The following DNAJC5 variants were observed in gnomAD, a reference collection of about 807,000 sequenced individuals.
DNAJC5 encodes dnaJ homolog subfamily C member 5.
Under a neutral mutation model 23.2 loss-of-function variants are expected in DNAJC5, and 1 was observed. The ratio of observed to expected loss-of-function variants is 0.04; its 90% CI spans 0.02 to 0.20. The LOEUF (loss-of-function observed/expected upper bound fraction) is 0.20, where lower values mean the gene tolerates loss of function less well. DNAJC5 is among the 10% of genes least tolerant of loss of function. DNAJC5 has a pLI of 1.00. For synonymous variants in DNAJC5, 136 were observed against 120.0 expected, an observed-to-expected ratio of 1.13 and a Z score of -0.87; for missense variants, 180 against 267.0, an observed-to-expected ratio of 0.67 and a Z score of 2.27.
intron 1 of DNAJC5, among the ~76,000 whole-genome samples, chr20:63,924,345 G>C (rs1457932041): frequency 1.3e-5 from 2 of 152,136 alleles, no homozygotes; most frequent in Non-Finnish European, 2.9e-5. Flanking sequence ...TAGTATCTTA[G>C]CAATTTGTGG....
intron 1 of DNAJC5, among the ~76,000 whole-genome samples, chr20:63,898,842 C>CAACA (rs922171691): frequency 1.3e-5 from 2 of 152,060 alleles, no homozygotes; most frequent in Non-Finnish European, 2.9e-5. Flanking sequence ...CTCCCTCTCA[C>CAACA]AACAAACAAA....
intron 1 of DNAJC5, among the ~76,000 whole-genome samples, chr20:63,910,325 A>G (rs1043023629): frequency 3.9e-5 from 6 of 152,034 alleles, no homozygotes. Context: ...TGGGCAGATC[A>G]CAAGGTCAGG....
chr20:63,924,088 T>C (rs1372366751), intron 1 of DNAJC5, among the ~76,000 whole-genome samples: 1 of 152,208 alleles, frequency 6.6e-6, no homozygotes, highest in African/African-American at 2.4e-5. Context: ...TGTAGATATA[T>C]AGTATATGTC....
intron 1 of DNAJC5, among the ~76,000 whole-genome samples, chr20:63,922,998 A>G (rs1367744217): frequency 6.6e-6 from 1 of 151,138 alleles, no homozygotes; most frequent in Non-Finnish European, 1.5e-5. Flanking sequence ...AAAATTAGCC[A>G]GGCGTGGTGG....
Position 63,914,625 on chromosome 20 carries a change from T to C in DNAJC5, c.-11-13710T>C, listed in dbSNP as rs535895746. Among the ~76,000 whole-genome samples, 70 of 136,088 alleles carry C rather than the reference T, an allele frequency of 5.1e-4. No homozygotes were observed. The Middle Eastern group carries it at 0.029, about 57-fold the overall frequency. The allele number at this position is 136,088 out of a possible 152,430, so 89.3% of individuals were successfully genotyped here. Reference sequence around the variant, plus strand: ...AACCACCGTGCCCGGCCTTTTTTTTTTTTTTTGGTAGATGGAGTCTCGCTC... The same window carrying C: ...AACCACCGTGCCCGGCCTTTTTTTTCTTTTTTGGTAGATGGAGTCTCGCTC... On this transcript the variant is annotated intron_variant, in intron 1 of 4. Transcript: ENST00000360864.
intron 1 of DNAJC5, among the ~76,000 whole-genome samples, chr20:63,911,679 CTT>C (rs895377433): frequency 6.9e-6 from 1 of 145,024 alleles, no homozygotes; most frequent in Non-Finnish European, 1.5e-5. Context: ...TTTAGGAATT[CTT>C]TTTTTTTTTT....
intron 1 of DNAJC5, among the ~76,000 whole-genome samples, chr20:63,898,040 C>T (rs539013105): frequency 2.0e-5 from 3 of 152,322 alleles, no homozygotes; most frequent in Admixed American, 1.3e-4. Context: ...CAGCTGCCTC[C>T]GTGACCAGCA....
chr20:63,930,874 C>T lies in DNAJC5; in HGVS notation c.345C>T (p.Leu115=). 1 of 1,613,520 alleles carries T rather than the reference C, an allele frequency of 6.2e-7. No individual in the cohort carries two copies. Among genetic ancestry groups the T allele is most frequent in the Non-Finnish European group, 8.5e-7 (1 of 1,179,976 alleles). Residue 115 remains leucine, a synonymous_variant, in exon 4 of 5, where the codon CTC becomes CTT. Transcript: ENST00000360864. The part of the protein sequence containing the change: ...WAKALFVFCG[L]LTCCYCCCCL... Reference sequence around the variant, plus strand: ...AGGCCCTGTTTGTCTTCTGCGGCCTCCTCACGTGCTGCTACTGCTGCTGCT... The same window carrying T: ...AGGCCCTGTTTGTCTTCTGCGGCCTTCTCACGTGCTGCTACTGCTGCTGCT...
chr20:63,918,241 G>C (rs1181377746), intron 1 of DNAJC5, among the ~76,000 whole-genome samples: 1 of 152,176 alleles, frequency 6.6e-6, no homozygotes, highest in Non-Finnish European at 1.5e-5. Context: ...ATCAAGCCAG[G>C]CACGATGCTG....
intron 1 of DNAJC5, among the ~76,000 whole-genome samples, chr20:63,898,796 G>A (rs1035493189): frequency 1.3e-5 from 2 of 152,150 alleles, no homozygotes; most frequent in Admixed American, 6.5e-5. Flanking sequence ...AGCTGAGATA[G>A]CACCACTGCA....
chr20:63,915,103 G>A (rs992988674), intron 1 of DNAJC5, among the ~76,000 whole-genome samples: 1 of 152,160 alleles, frequency 6.6e-6, no homozygotes, highest in Non-Finnish European at 1.5e-5. Flanking sequence ...ATGCTCCTGG[G>A]ACCTGGGGCA....
intron 1 of DNAJC5, among the ~76,000 whole-genome samples, chr20:63,906,657 C>A (rs983772020): frequency 6.6e-6 from 1 of 151,382 alleles, no homozygotes; most frequent in Admixed American, 6.6e-5. Flanking sequence ...TGGTGGGCGC[C>A]TGTATATAGT....
intron 1 of DNAJC5, among the ~76,000 whole-genome samples, chr20:63,903,388 A>C (rs1337889305): frequency 1.3e-5 from 2 of 151,840 alleles, no homozygotes; most frequent in Non-Finnish European, 2.9e-5. Flanking sequence ...GCACACTGCA[A>C]CCTCCGCCTC....
chr20:63,914,912 G>A (rs528680611), intron 1 of DNAJC5, among the ~76,000 whole-genome samples: 3 of 152,304 alleles, frequency 2.0e-5, no homozygotes, highest in Non-Finnish European at 2.9e-5. Context: ...CACCACGCCC[G>A]GCCAGAGTGT....
intron 1 of DNAJC5, among the ~76,000 whole-genome samples, chr20:63,905,967 C>T (rs566335526): frequency 6.6e-6 from 1 of 151,200 alleles, no homozygotes; most frequent in South Asian, 2.1e-4. Context: ...ACTCACTGAC[C>T]TCAGGTGATC....
intron 1 of DNAJC5, among the ~76,000 whole-genome samples, chr20:63,922,321 G>T (rs1335676796): frequency 6.6e-6 from 1 of 151,932 alleles, no homozygotes; most frequent in East Asian, 1.9e-4. Context: ...AAATTAGCTG[G>T]GTGTGGTGGC....
At chr20:63,909,557 C>T (rs552610481) in intron 1 of DNAJC5, among the ~76,000 whole-genome samples, 6 of 146,002 alleles carry the variant, frequency 4.1e-5, no homozygotes, top group African/African-American at 1.0e-4. Context: ...TGATGCGTGC[C>T]GTAGTCCCAG....
At chr20:63,910,748 G>T (rs544695523) in intron 1 of DNAJC5, among the ~76,000 whole-genome samples, 2 of 150,868 alleles carry the variant, frequency 1.3e-5, no homozygotes, top group East Asian at 2.0e-4. Context: ...TCTCGGCTCA[G>T]TGCAACCTCT....
intron 1 of DNAJC5, among the ~76,000 whole-genome samples, chr20:63,913,012 AT>A (rs34011099): frequency 4.3e-4 from 62 of 144,556 alleles, no homozygotes; most frequent in East Asian, 8.1e-4. Context: ...ATTTTTAGCA[AT>A]TTTTTTTTTT....
Sources: gnomAD v4.1 joint callset for allele counts (sites outside exome capture counted in the v4.1 genomes callset) on GRCh38, gnomAD v4.1.1 for gene constraint, MANE v1.5 for transcripts, NCBI Gene and HGNC (gene_info 2026-07-23, HGNC 2026-07-21) for gene names.